The following MACROD1 variants were observed in gnomAD, a reference collection of about 807,000 sequenced individuals.
MACROD1 encodes the protein ADP-ribose glycohydrolase MACROD1.
MACROD1 carries 31 observed loss-of-function variants against 41.4 expected under a neutral mutation model. The observed-to-expected ratio is 0.75, with a 90% CI of 0.56 to 1.01. MACROD1 has a LOEUF of 1.01. Among genes scored for constraint, MACROD1 ranks in the 50% least tolerant of loss-of-function variants. The pLI, the probability that MACROD1 is intolerant of heterozygous loss-of-function variation, is 0.00. For missense variants in MACROD1, 473 were observed against 460.0 expected, an observed-to-expected ratio of 1.03 and a Z score of -0.26; for synonymous variants, 252 against 203.4, an observed-to-expected ratio of 1.24 and a Z score of -2.03.
intron 3 of MACROD1, among the ~76,000 whole-genome samples, chr11:64,020,493 G>C (rs1425452185): frequency 1.3e-5 from 2 of 152,028 alleles, no homozygotes; most frequent in African/African-American, 4.8e-5. Context: ...CAGACCCCCA[G>C]GCCCCATCGA....
chr11:64,144,697 G>T (rs1253374235), intron 3 of MACROD1, among the ~76,000 whole-genome samples: 9 of 152,252 alleles, frequency 5.9e-5, no homozygotes, highest in Admixed American at 5.9e-4. Context: ...ACAGGTTCCA[G>T]CTGCAAAGTC....
At chr11:64,121,993 G>C (rs1370699193) in intron 3 of MACROD1, among the ~76,000 whole-genome samples, 1 of 150,988 alleles carries the variant, frequency 6.6e-6, no homozygotes, top group East Asian at 1.9e-4. Flanking sequence ...GGAAAGGAAA[G>C]AAAAGGCAAG....
At chr11:64,069,543 G>C (rs1447169110) in intron 3 of MACROD1, among the ~76,000 whole-genome samples, 3 of 152,328 alleles carry the variant, frequency 2.0e-5, no homozygotes, top group African/African-American at 7.2e-5. Flanking sequence ...TTGTGGGGAG[G>C]GAGGGGCTCT....
intron 4 of MACROD1, among the ~76,000 whole-genome samples, chr11:64,012,075 C>A (rs571208466): frequency 9.9e-5 from 15 of 152,208 alleles, no homozygotes; most frequent in African/African-American, 3.4e-4. Context: ...CCATAAATCT[C>A]AGCCCATGTT....
intron 3 of MACROD1, among the ~76,000 whole-genome samples, chr11:64,147,687 G>T (rs943435893): frequency 2.6e-5 from 4 of 151,734 alleles, no homozygotes; most frequent in African/African-American, 7.3e-5. Context: ...GCCTCCCAAA[G>T]TTCTGGGATT....
chr11:64,149,097 G>A (rs1365043135), intron 3 of MACROD1: 7 of 867,970 alleles, frequency 8.1e-6, no homozygotes, highest in African/African-American at 7.3e-5. Context: ...AGGCAAGCAG[G>A]GGGAGGTGAA....
intron 3 of MACROD1, among the ~76,000 whole-genome samples, chr11:64,024,786 T>C (rs1051774669): frequency 5.9e-5 from 9 of 151,794 alleles, no homozygotes; most frequent in African/African-American, 1.9e-4. Context: ...AGTCTGTGGG[T>C]CTTGAAGGCA....
At position 64,146,364 on chromosome 11, in the gene MACROD1, G is replaced by C. The variant is rs1945495577; in HGVS notation, c.517+4875C>G. 6.6e-6 allele frequency among the ~76,000 whole-genome samples: 1 copy of C among 152,180 alleles called. No individual in the cohort carries two copies. The highest frequency in any genetic ancestry group is 1.9e-4 in the East Asian group (1 of 5,196). The stretch of plus-strand genomic sequence containing the variant: ...TCTGAGAACCTCCTCCTCCAGAAGA[G>C]GGGGCCTGCGGGGGCTCCCTGGCTT... On this transcript the variant is annotated intron_variant, in intron 3 of 10. Transcript: ENST00000255681. This position sits in a 1 kb window ranked among gnomAD's most constrained non-coding sequence, Gnocchi z 4.7.
intron 3 of MACROD1, among the ~76,000 whole-genome samples, chr11:64,055,330 T>C (rs1305182982): frequency 1.3e-5 from 2 of 152,198 alleles, no homozygotes; most frequent in Non-Finnish European, 2.9e-5. Context: ...GAGACACCTC[T>C]TTAAATACCA....
intron 3 of MACROD1, among the ~76,000 whole-genome samples, chr11:64,039,950 A>G (rs985143407): frequency 1.3e-5 from 2 of 152,218 alleles, no homozygotes; most frequent in African/African-American, 4.8e-5. Flanking sequence ...GGGCTGGCCC[A>G]CCAGTGCTCC....
intron 3 of MACROD1, among the ~76,000 whole-genome samples, chr11:64,053,653 G>A (rs1413308263): frequency 1.3e-5 from 2 of 152,190 alleles, no homozygotes; most frequent in African/African-American, 4.8e-5. Context: ...CTGGCTCAGC[G>A]GGGTCCTCAG....
intron 3 of MACROD1, among the ~76,000 whole-genome samples, chr11:64,041,711 CT>C (rs1943490812): frequency 6.6e-6 from 1 of 152,182 alleles, no homozygotes; most frequent in Non-Finnish European, 1.5e-5. Context: ...GGACTGAGCT[CT>C]CTCAAGCGAC....
chr11:64,075,024 C>T (rs1375445474), intron 3 of MACROD1, among the ~76,000 whole-genome samples: 1 of 152,252 alleles, frequency 6.6e-6, no homozygotes, highest in East Asian at 1.9e-4. Context: ...ATTCAAGACC[C>T]CACCCTAGCC....
chr11:64,164,869 C>T (rs1348049165), intron 1 of MACROD1, among the ~76,000 whole-genome samples: 1 of 149,764 alleles, frequency 6.7e-6, no homozygotes, highest in Non-Finnish European at 1.5e-5. Flanking sequence ...GCTGGGTGCC[C>T]GGCAGGGCTA....
intron 3 of MACROD1, among the ~76,000 whole-genome samples, chr11:64,113,888 A>ATGGC (rs1944913820): frequency 6.8e-6 from 1 of 147,994 alleles, no homozygotes; most frequent in African/African-American, 2.5e-5. Flanking sequence ...GGATGGATGG[A>ATGGC]TGGATGGATG....
chr11:64,059,898 G>A (rs558816296), intron 3 of MACROD1, among the ~76,000 whole-genome samples: 8 of 151,626 alleles, frequency 5.3e-5, no homozygotes, highest in African/African-American at 1.7e-4. Flanking sequence ...CCGAGGAGGC[G>A]AGGCGAGGCT....
chr11:64,148,636 G>A (rs1343317660), intron 3 of MACROD1: 1 of 724,674 alleles, frequency 1.4e-6, no homozygotes, highest in African/African-American at 1.9e-5. Flanking sequence ...AAGTCAAATA[G>A]AATTTAATGG....
intron 3 of MACROD1, among the ~76,000 whole-genome samples, chr11:64,136,970 G>A (rs1037484850): frequency 3.9e-5 from 6 of 152,234 alleles, no homozygotes; most frequent in African/African-American, 1.2e-4. Context: ...TTTGCATGGA[G>A]AGCTCTCTCT....
chr11:64,123,075 G>A (rs2134638823), intron 3 of MACROD1, among the ~76,000 whole-genome samples: 1 of 152,326 alleles, frequency 6.6e-6, no homozygotes, highest in African/African-American at 2.4e-5. Flanking sequence ...CAGCAAAGAG[G>A]GAGCAAAGGG....
Sources: gnomAD v4.1 joint callset for allele counts (sites outside exome capture counted in the v4.1 genomes callset) on GRCh38, gnomAD v4.1.1 for gene constraint, Gnocchi (gnomAD v3.1) non-coding constraint, MANE v1.5 for transcripts, NCBI Gene and HGNC (gene_info 2026-07-23, HGNC 2026-07-21) for gene names.